PTPRN2: variants seen among roughly 807,000 people sequenced by gnomAD.
PTPRN2 encodes receptor-type tyrosine-protein phosphatase N2.
Under a neutral mutation model 118.8 loss-of-function variants are expected in PTPRN2, and 74 were observed. The ratio of observed to expected loss-of-function variants is 0.62; its 90% CI spans 0.52 to 0.76. The LOEUF (loss-of-function observed/expected upper bound fraction) is 0.76. Ranked by LOEUF, PTPRN2 falls within the 30% of genes least tolerant of loss-of-function variation. PTPRN2 has a pLI of 0.00. For missense variants in PTPRN2, 1,481 were observed against 1,394.4 expected, an observed-to-expected ratio of 1.06 and a Z score of -0.99; for synonymous variants, 641 against 608.0, an observed-to-expected ratio of 1.05 and a Z score of -0.80.
At chr7:158,400,573 G>A (rs1423998524) in intron 2 of PTPRN2, among the ~76,000 whole-genome samples, 1 of 152,110 alleles carries the variant, frequency 6.6e-6, no homozygotes, top group Admixed American at 6.5e-5. Flanking sequence ...CATCTAACAA[G>A]AACACAAGAT....
intron 2 of PTPRN2, among the ~76,000 whole-genome samples, chr7:158,332,630 C>T (rs868120242): frequency 6.0e-4 from 90 of 150,474 alleles, no homozygotes; most frequent in Middle Eastern, 3.6e-3. Flanking sequence ...GTCACTCACA[C>T]CCACACTGTC....
intron 19 of PTPRN2, among the ~76,000 whole-genome samples, chr7:157,576,326 CTCTT>C (rs760642354): frequency 6.6e-5 from 10 of 152,208 alleles, no homozygotes; most frequent in Non-Finnish European, 1.2e-4. Flanking sequence ...ACACTTTAGG[CTCTT>C]TGTCAACTGA....
At chr7:158,432,639 C>A (rs544601669) in intron 2 of PTPRN2, among the ~76,000 whole-genome samples, 1 of 152,324 alleles carries the variant, frequency 6.6e-6, no homozygotes, top group Non-Finnish European at 1.5e-5. Flanking sequence ...TATCACTTTA[C>A]AAACTTTTTG....
chr7:158,179,778 G>T (rs779019490), intron 5 of PTPRN2, among the ~76,000 whole-genome samples: 1 of 152,148 alleles, frequency 6.6e-6, no homozygotes. Context: ...GTTTCCATAA[G>T]TCTCACCCAC....
chr7:157,673,166 C>T (rs1283482102), intron 13 of PTPRN2, among the ~76,000 whole-genome samples: 1 of 152,028 alleles, frequency 6.6e-6, no homozygotes, highest in East Asian at 1.9e-4. Flanking sequence ...TGGGATGACA[C>T]GTGCACGCCA....
chr7:158,490,557 T>C (rs1446535510), intron 1 of PTPRN2, among the ~76,000 whole-genome samples: 1 of 152,028 alleles, frequency 6.6e-6, no homozygotes, highest in African/African-American at 2.4e-5. Context: ...GAGAGATGGG[T>C]CCAGAAAGCA....
At chr7:157,643,062 T>A (rs1399128430) in intron 14 of PTPRN2, among the ~76,000 whole-genome samples, 1 of 152,132 alleles carries the variant, frequency 6.6e-6, no homozygotes, top group Non-Finnish European at 1.5e-5. Flanking sequence ...AGGATAAACC[T>A]CTTTGGAGTT....
At chr7:158,019,301 C>CAATGAACAAATATA (rs1415539859) in intron 11 of PTPRN2, among the ~76,000 whole-genome samples, 2 of 152,238 alleles carry the variant, frequency 1.3e-5, no homozygotes, top group Non-Finnish European at 2.9e-5. Context: ...GCATTATTTC[C>CAATGAACAAATATA]AATGAACAAA....
At chr7:157,838,909 G>A (rs1200522980) in intron 12 of PTPRN2, among the ~76,000 whole-genome samples, 16 of 118,364 alleles carry the variant, frequency 1.4e-4, no homozygotes, top group South Asian at 3.5e-4. Flanking sequence ...AGTTCCTCTC[G>A]TAGTGGATGG....
rs1055728104 is a variant in PTPRN2 at position 157,891,568 on chromosome 7, C to T, written c.1788+7105G>A. 5.3e-5 allele frequency among the ~76,000 whole-genome samples: 8 copies of T among 151,942 alleles called. No homozygotes were observed. The South Asian group carries it at 8.4e-4, about 16-fold the overall frequency. The stretch of plus-strand genomic sequence containing the variant: ...GGTGGATTCTCACACCCCCACCCCC[C>T]ATCCCAGGTAACACATATCATGGCA... On this transcript the variant is annotated intron_variant, in intron 12 of 22. Transcript: ENST00000389418.
chr7:158,333,403 G>A (rs1327387546), intron 2 of PTPRN2, among the ~76,000 whole-genome samples: 4 of 143,290 alleles, frequency 2.8e-5, no homozygotes, highest in East Asian at 2.1e-4. Context: ...ACCTGCAGAC[G>A]TCACTCACAC....
chr7:158,274,490 G>GCAGGCACAGGGGGAGCCA (rs1200776095), intron 3 of PTPRN2, among the ~76,000 whole-genome samples: 1 of 147,658 alleles, frequency 6.8e-6, no homozygotes. Context: ...ACGAGGAGCC[G>GCAGGCACAGGGGGAGCCA]CAGGCACAGG....
At chr7:158,489,829 A>AG in intron 1 of PTPRN2, 44 bp from the exon 2 acceptor site, 1 of 1,537,568 alleles carries the variant, frequency 6.5e-7, no homozygotes, top group Non-Finnish European at 8.8e-7. Flanking sequence ...GGAGGGGAGG[A>AG]GGGGGGTGCC....
intron 12 of PTPRN2, among the ~76,000 whole-genome samples, chr7:157,737,570 TC>T (rs1295288888): frequency 6.6e-6 from 1 of 152,202 alleles, no homozygotes; most frequent in East Asian, 1.9e-4. Flanking sequence ...CAAGTTCCCA[TC>T]CCCTGGCCTG....
In PTPRN2 at chr7:157,873,874, G is replaced by A. The variant is rs34390791; in HGVS notation, c.1788+24799C>T. 1.5e-3 allele frequency among the ~76,000 whole-genome samples: 226 copies of A among 152,210 alleles called. 2 individuals carry two copies. Among genetic ancestry groups the A allele is most frequent in the Non-Finnish European group, 2.7e-3 (184 of 67,994 alleles). ...GGAAAGCGGAGGAGGAGGGATGGAC[G>A]ACCAGCTGGGCACAAGAGGGGCTTC... On this transcript the variant is annotated intron_variant, in intron 12 of 22. Transcript: ENST00000389418.
intron 12 of PTPRN2, among the ~76,000 whole-genome samples, chr7:157,702,373 G>T (rs530641934): frequency 6.6e-6 from 1 of 152,166 alleles, no homozygotes; most frequent in Admixed American, 6.5e-5. Flanking sequence ...AGCCTGGTAG[G>T]TGCTGGTGTA....
rs6960592 is a variant in PTPRN2, at chr7:157,925,030, A to G, written c.1724-26293T>C. ...ATGTAGTCAGGATGCAGGCACCTGC[A>G]TTTAGCACGTCAGGCAAATGCAGTT... On this transcript the variant is annotated intron_variant, in intron 11 of 22. Coordinates refer to ENST00000389418, the MANE Select transcript of PTPRN2 (RefSeq NM_002847.5). 2.1e-4 allele frequency among the ~76,000 whole-genome samples: 14 copies of G among 67,854 alleles called. 2 individuals are homozygous for G. The highest frequency in any genetic ancestry group is 3.2e-4 in the Admixed American group (2 of 6,250). The allele number at this position is 67,854 out of a possible 152,430, so 44.5% of individuals were successfully genotyped here.
At chr7:158,547,481 T>C (rs1193474442) in intron 1 of PTPRN2, among the ~76,000 whole-genome samples, 10 of 152,192 alleles carry the variant, frequency 6.6e-5, no homozygotes, top group Non-Finnish European at 1.2e-4. Context: ...TCACAGTGCT[T>C]GTCCTTCCGT....
chr7:157,843,176 T>G (rs1808559229), intron 12 of PTPRN2, among the ~76,000 whole-genome samples: 1 of 152,218 alleles, frequency 6.6e-6, no homozygotes, highest in East Asian at 1.9e-4. Flanking sequence ...AGCCTTCAAA[T>G]GTGTGAGAAC....
Sources: allele counts gnomAD v4.1 joint callset (sites outside exome capture counted in the v4.1 genomes callset), GRCh38; gene constraint gnomAD v4.1.1; transcripts MANE v1.5; gene names NCBI Gene and HGNC (gene_info 2026-07-23, HGNC 2026-07-21).